Variants in CABIN1 observed in about 807,000 individuals in gnomAD.
CABIN1 encodes the protein calcineurin binding protein 1, also known as calcineurin-binding protein cabin-1.
A neutral mutation model predicts 227.7 loss-of-function variants in CABIN1; 133 were observed. The observed-to-expected ratio is 0.58, with a 90% CI of 0.51 to 0.67. The LOEUF is 0.67. Among genes scored for constraint, CABIN1 ranks in the 30% least tolerant of loss-of-function variants. The pLI is 0.00. For synonymous variants in CABIN1, 1,086 were observed against 1,155.1 expected (o/e 0.94, Z 1.21); for missense variants, 2,408 against 2,852.5 (o/e 0.84, Z 3.55).
chr22:24,127,821 C>CATAT (rs10640276), intron 28 of CABIN1, among the ~76,000 whole-genome samples: 4,948 of 149,956 alleles, frequency 0.033, 180 homozygotes, highest in East Asian at 0.087. Flanking sequence ...TTTAACTTTT[C>CATAT]ATATATATAT....
chr22:24,045,616 A>G (rs1431414834), intron 6 of CABIN1, among the ~76,000 whole-genome samples: 1 of 152,146 alleles, frequency 6.6e-6, no homozygotes, highest in Non-Finnish European at 1.5e-5. Flanking sequence ...TCAAAAAAAA[A>G]AAAAATTTGT....
At chr22:24,085,858 C>G (rs1047039954) in intron 22 of CABIN1, among the ~76,000 whole-genome samples, 10 of 152,196 alleles carry the variant, frequency 6.6e-5, no homozygotes, top group African/African-American at 2.4e-4. Context: ...TGTGGCAGAC[C>G]TGCATCTAAA....
intron 22 of CABIN1, among the ~76,000 whole-genome samples, 171 bp downstream of exon 22, chr22:24,085,322 T>A (rs1471018044): frequency 6.6e-6 from 1 of 152,082 alleles, no homozygotes; most frequent in East Asian, 1.9e-4. Context: ...GAAAGGCAGG[T>A]TTTCCATAAA....
At chr22:24,033,723 A>G (rs1037611016) in intron 1 of CABIN1, among the ~76,000 whole-genome samples, 1 of 152,232 alleles carries the variant, frequency 6.6e-6, no homozygotes, top group Non-Finnish European at 1.5e-5. Flanking sequence ...TCACGGGTCC[A>G]TCTGGGATCC....
intron 11 of CABIN1, 42 bp downstream of exon 11, chr22:24,059,405 C>T: frequency 6.2e-7 from 1 of 1,609,186 alleles, no homozygotes; most frequent in Non-Finnish European, 8.5e-7. Flanking sequence ...GGGAATTCTT[C>T]TTCCCACTAT....
At chr22:24,076,083 G>C (rs535859088) in intron 18 of CABIN1, 86 bp from the exon 19 acceptor site, 1 of 858,798 alleles carries the variant, frequency 1.2e-6, no homozygotes, top group African/African-American at 1.7e-5. Flanking sequence ...AGAAAAGCCC[G>C]AAAAGAGGAG....
intron 29 of CABIN1, chr22:24,156,502 C>A (rs1366826783): frequency 1.2e-5 from 2 of 164,540 alleles, no homozygotes; most frequent in African/African-American, 2.4e-5. Flanking sequence ...TGCGCGAAAG[C>A]GAAAGCCGCC....
Position 24,059,339 on chromosome 22 carries a change from GAC to G in CABIN1, c.1376_1377del (p.Asp459ValfsTer8). 3.1e-6 allele frequency: 5 copies of G among 1,614,176 alleles called. No individual in the cohort carries two copies. The highest frequency in any genetic ancestry group is 4.2e-6 in the Non-Finnish European group (5 of 1,180,024). On this transcript the variant is annotated frameshift_variant, in exon 11 of 37. Transcript: ENST00000263119. LOFTEE classifies it high-confidence loss of function. ...PSIGPQRLSF[D>X]SATFMESEKQ... is the part of the protein sequence containing the mutation. Reference sequence around the variant, plus strand: ...CATTGGGCCTCAAAGGCTGTCATTTGACTCAGCCACATTCATGGAATCTGGTA... The same window carrying G: ...CATTGGGCCTCAAAGGCTGTCATTTGTCAGCCACATTCATGGAATCTGGTA...
chr22:24,053,439 G>A (rs2038522189), intron 8 of CABIN1, among the ~76,000 whole-genome samples: 1 of 151,712 alleles, frequency 6.6e-6, no homozygotes. Flanking sequence ...GTGCAGTGGT[G>A]CGATCTTGGC....
chr22:24,044,068 A>G (rs896355011), intron 6 of CABIN1, among the ~76,000 whole-genome samples: 3 of 152,190 alleles, frequency 2.0e-5, no homozygotes, highest in African/African-American at 4.8e-5. Context: ...AGGTGGCAAC[A>G]TCACCCTCAT....
intron 1 of CABIN1, among the ~76,000 whole-genome samples, chr22:24,019,971 T>C (rs1402836172): frequency 6.6e-6 from 1 of 152,138 alleles, no homozygotes. Context: ...CCCATTTTTA[T>C]ATCTCTAATT....
At chr22:24,164,250 C>T (rs1288116586) in intron 29 of CABIN1, 150 bp from the exon 30 acceptor site, 1 of 917,406 alleles carries the variant, frequency 1.1e-6, no homozygotes, top group African/African-American at 1.6e-5. Context: ...ACTTCTGTCT[C>T]CTTGGGACAG....
At position 24,042,989 on chromosome 22, in the gene CABIN1, G is replaced by A. The variant is rs146817070; in HGVS notation, c.431G>A (p.Arg144His). The A allele has an allele frequency of 3.7e-6, 6 of 1,613,886 alleles. No individual in the cohort carries two copies. Among genetic ancestry groups the A allele is most frequent in the African/African-American group, 2.7e-5 (2 of 74,888 alleles). Residue 144 changes from arginine to histidine, a missense_variant, in exon 6 of 37, where the codon CGC (arginine) becomes CAC (histidine). Around this residue, in one of 3 missense-constraint regions of CABIN1, gnomAD observed 1,045 missense variants for 1,168.4 expected, o/e 0.89. Transcript: ENST00000263119. ...ALRLIRIPLARHAFEEGLRCN... is the reference protein window; with the variant it reads ...ALRLIRIPLAHHAFEEGLRCN... Reference sequence around the variant, plus strand: ...AGGCTCATCCGGATCCCCCTGGCTCGCCATGCTTTTGAGGAAGGGCTGCGG... The same window carrying A: ...AGGCTCATCCGGATCCCCCTGGCTCACCATGCTTTTGAGGAAGGGCTGCGG...
intron 19 of CABIN1, among the ~76,000 whole-genome samples, chr22:24,082,363 T>TA (rs1433733996): frequency 1.2e-4 from 19 of 152,234 alleles, no homozygotes; most frequent in Admixed American, 1.0e-3. Context: ...GTGCTGGAAT[T>TA]ACAGGCATGA....
intron 29 of CABIN1, among the ~76,000 whole-genome samples, chr22:24,157,780 C>T (rs1276722057): frequency 6.6e-6 from 1 of 152,224 alleles, no homozygotes; most frequent in African/African-American, 2.4e-5. Flanking sequence ...GGCCAGATTC[C>T]ATCCCCTTCC....
At chr22:24,037,121 G>T (rs1305989840) in intron 3 of CABIN1, among the ~76,000 whole-genome samples, 1 of 152,038 alleles carries the variant, frequency 6.6e-6, no homozygotes, top group African/African-American at 2.4e-5. Context: ...TTAGCTGGGC[G>T]TGGTGGTGCA....
At chr22:24,084,976 T>A (rs1289720042) in intron 21 of CABIN1, 30 bp from the exon 22 acceptor site, 22 of 1,613,930 alleles carry the variant, frequency 1.4e-5, no homozygotes, top group Non-Finnish European at 1.8e-5. Flanking sequence ...TGACTCCACC[T>A]CCCCTCATAC....
In CABIN1 at chr22:24,072,858, G is replaced by A. The variant is rs537151852; in HGVS notation, c.2632+348G>A. On this transcript the variant is annotated intron_variant, in intron 18 of 36. Coordinates refer to ENST00000263119, the MANE Select transcript of CABIN1 (RefSeq NM_012295.4). Reference sequence around the variant, plus strand: ...CTTTAATCCCCATGACACCCGAAGGGATGGTAAGCCGAGGGCAGCATGGAG... The same window carrying A: ...CTTTAATCCCCATGACACCCGAAGGAATGGTAAGCCGAGGGCAGCATGGAG... 2.0e-5 allele frequency among the ~76,000 whole-genome samples: 3 copies of A among 152,306 alleles called. No individual in the cohort carries two copies. In the East Asian group the frequency reaches 5.8e-4, roughly 29 times the overall value.
At chr22:24,156,779 G>GCA (rs1305067180) in intron 29 of CABIN1, among the ~76,000 whole-genome samples, 5 of 152,166 alleles carry the variant, frequency 3.3e-5, no homozygotes, top group Non-Finnish European at 7.4e-5. Flanking sequence ...TGGGGGGTGG[G>GCA]CACATAGAGC....
Sources: allele counts gnomAD v4.1 joint callset (sites outside exome capture counted in the v4.1 genomes callset), GRCh38; gene constraint gnomAD v4.1.1; regional missense constraint gnomAD v4.1.1; transcripts MANE v1.5; gene names NCBI Gene and HGNC (gene_info 2026-07-23, HGNC 2026-07-21).